Variants in PARPBP observed in about 807,000 individuals in gnomAD.
The protein encoded by PARPBP is PCNA-interacting partner.
In PARPBP, 52 loss-of-function variants were observed where a neutral mutation model predicts 50.0. The observed-to-expected ratio is 1.04, with a 90% confidence interval of 0.83 to 1.31. The LOEUF is 1.31. Among genes scored for constraint, PARPBP ranks in the 50% most tolerant of loss-of-function variants. The pLI, the probability that PARPBP is intolerant of heterozygous loss-of-function variation, is 0.00. For synonymous variants in PARPBP, 244 were observed against 232.1 expected (o/e 1.05, Z -0.47); for missense variants, 697 against 672.0 (o/e 1.04, Z -0.41).
chr12:102,196,468 A>G lies in PARPBP; in HGVS notation c.*177A>G, dbSNP rs912094302. On this transcript the variant is annotated 3_prime_UTR_variant, in exon 11 of 11. Coordinates refer to ENST00000327680, the MANE Select transcript of PARPBP (RefSeq NM_017915.5). ...TACTAGTAAGTCATAATTATGCAGA[A>G]TTTTCACAAAGTTTAATGCACAGAG... 2 of 727,748 alleles carry G rather than the reference A, an allele frequency of 2.7e-6. No individual in the cohort carries two copies. Among genetic ancestry groups the G allele is most frequent in the South Asian group, 1.8e-5 (1 of 56,972 alleles). 45.1% of individuals were successfully genotyped at this position (727,748 alleles called of 1,614,324 possible).
At chr12:102,183,620 T>A (rs1890040321) in intron 9 of PARPBP, among the ~76,000 whole-genome samples, 1 of 152,166 alleles carries the variant, frequency 6.6e-6, no homozygotes, top group Admixed American at 6.5e-5. Flanking sequence ...AATCAAGGGA[T>A]AAGATTTTTA....
rs529952348 is a variant in PARPBP, at chr12:102,127,382, A to G, written c.153+3341A>G. 2.0e-5 allele frequency among the ~76,000 whole-genome samples: 3 copies of G among 151,944 alleles called. No individual in the cohort carries two copies. The South Asian group carries it at 6.2e-4, about 32-fold the overall frequency. ...GCACTCTAGCCTGGGCAACAAAACG[A>G]GAACCTATCTCAAAAAAAGAAAAAA... is the stretch of plus-strand genomic sequence containing the variant. On this transcript the variant is annotated intron_variant, in intron 2 of 10. Coordinates refer to ENST00000327680, the MANE Select transcript of PARPBP (RefSeq NM_017915.5).
intron 8 of PARPBP, among the ~76,000 whole-genome samples, chr12:102,180,126 C>A (rs1225696540): frequency 6.6e-6 from 1 of 152,152 alleles, no homozygotes; most frequent in Non-Finnish European, 1.5e-5. Flanking sequence ...TGAAATAATT[C>A]TTCCACATTC....
intron 2 of PARPBP, among the ~76,000 whole-genome samples, chr12:102,137,427 A>G (rs1243698276): frequency 6.6e-6 from 1 of 152,040 alleles, no homozygotes; most frequent in Non-Finnish European, 1.5e-5. Context: ...ATACTCTTTA[A>G]GTTTTAGGTT....
chr12:102,127,954 A>T (rs1882260678), intron 2 of PARPBP, among the ~76,000 whole-genome samples: 1 of 152,232 alleles, frequency 6.6e-6, no homozygotes, highest in African/African-American at 2.4e-5. Flanking sequence ...ATTTTGAAAT[A>T]TGTATACATT....
chr12:102,189,673 A>T lies in PARPBP; in HGVS notation c.1264-5639A>T, dbSNP rs1390758114. 2.0e-5 allele frequency among the ~76,000 whole-genome samples: 3 copies of T among 152,168 alleles called. No individual in the cohort carries two copies. In the East Asian group the frequency reaches 5.8e-4, roughly 29 times the overall value. ...AGCATTTCAAACAACTGATGATGAA[A>T]GTATTAAATTGCCTTGCTGTTGTAA... is the stretch of plus-strand genomic sequence containing the variant. On this transcript the variant is annotated intron_variant, in intron 9 of 10. Coordinates refer to ENST00000327680, the MANE Select transcript of PARPBP (RefSeq NM_017915.5).
At chr12:102,170,810 G>A (rs2136415992) in intron 6 of PARPBP, among the ~76,000 whole-genome samples, 1 of 151,112 alleles carries the variant, frequency 6.6e-6, no homozygotes, top group East Asian at 2.0e-4. Flanking sequence ...GAGTCTTGTA[G>A]TAACACTTAG....
At chr12:102,145,655 C>G (rs1182441104) in intron 2 of PARPBP, among the ~76,000 whole-genome samples, 1 of 152,058 alleles carries the variant, frequency 6.6e-6, no homozygotes, top group Admixed American at 6.6e-5. Flanking sequence ...CTCTAAGCAA[C>G]TATATGTCAC....
chr12:102,183,063 C>G (rs1016983820), intron 9 of PARPBP, among the ~76,000 whole-genome samples: 3 of 152,142 alleles, frequency 2.0e-5, no homozygotes, highest in Non-Finnish European at 4.4e-5. Flanking sequence ...TTACACTGCT[C>G]TTGACTAGAA....
chr12:102,181,476 A>G lies in PARPBP; in HGVS notation c.1185-1073A>G, dbSNP rs190520634. ...CACCTAGGCTACAAACCTGTACAGT[A>G]TGTTATTGTACTAAATAGTATAAAG... On this transcript the variant is annotated intron_variant, in intron 8 of 10. Coordinates refer to ENST00000327680, the MANE Select transcript of PARPBP (RefSeq NM_017915.5). Among the ~76,000 whole-genome samples the G allele has an allele frequency of 1.4e-3, 208 of 152,308 alleles. 1 individual carries two copies. The highest frequency in any genetic ancestry group is 4.8e-3 in the African/African-American group (199 of 41,564).
chr12:102,180,218 A>C (rs1889692427), intron 8 of PARPBP, among the ~76,000 whole-genome samples: 1 of 152,238 alleles, frequency 6.6e-6, no homozygotes, highest in African/African-American at 2.4e-5. Flanking sequence ...GGATCCCAGA[A>C]AACAGTAAAA....
At chr12:102,137,880 A>G (rs1420393601) in intron 2 of PARPBP, among the ~76,000 whole-genome samples, 5 of 152,312 alleles carry the variant, frequency 3.3e-5, no homozygotes, top group Admixed American at 6.5e-5. Flanking sequence ...TATATGTGCC[A>G]TATTTTCTTA....
intron 9 of PARPBP, among the ~76,000 whole-genome samples, chr12:102,189,310 G>A (rs754434585): frequency 1.5e-4 from 23 of 152,188 alleles, no homozygotes; most frequent in Non-Finnish European, 2.8e-4. Flanking sequence ...ACATGAATGT[G>A]CCACAGGGCA....
Position 102,166,014 on chromosome 12 carries a change from G to A in PARPBP, c.821+131G>A, listed in dbSNP as rs3829286. On this transcript the variant is annotated intron_variant, in intron 6 of 10. Transcript: ENST00000327680. ...CGGTGAGGCGAAGAAACAAAATCTA[G>A]ATGAATAAATTATAATCACATGACC... 6.6e-4 allele frequency: 394 copies of A among 600,930 alleles called. 4 individuals are homozygous for A. In the East Asian group the frequency reaches 0.011, roughly 17 times the overall value. 37.2% of individuals were successfully genotyped at this position (600,930 alleles called of 1,614,324 possible).
chr12:102,123,755 A>T, intron 1 of PARPBP, 131 bp from the exon 2 acceptor site: 2 of 507,882 alleles, frequency 3.9e-6, no homozygotes, highest in South Asian at 4.0e-5. Flanking sequence ...AATTAAAAGC[A>T]ATCTTGGTAA....
intron 2 of PARPBP, among the ~76,000 whole-genome samples, chr12:102,124,519 A>G (rs369609262): frequency 2.0e-5 from 3 of 152,208 alleles, no homozygotes; most frequent in Non-Finnish European, 4.4e-5. Context: ...TAAGCCGTAG[A>G]TTAAGGGTTA....
intron 4 of PARPBP, 69 bp downstream of exon 4, chr12:102,154,045 C>T: frequency 1.1e-6 from 1 of 916,254 alleles, no homozygotes; most frequent in Non-Finnish European, 1.8e-6. Flanking sequence ...TTGGTGGTAC[C>T]TTAAAGTTAC....
chr12:102,145,469 G>C (rs1000938945), intron 2 of PARPBP, among the ~76,000 whole-genome samples: 1 of 152,020 alleles, frequency 6.6e-6, no homozygotes, highest in Non-Finnish European at 1.5e-5. Flanking sequence ...GGCAGCTTTT[G>C]GAAGGCATCA....
At chr12:102,189,059 C>T (rs895759913) in intron 9 of PARPBP, among the ~76,000 whole-genome samples, 2 of 151,974 alleles carry the variant, frequency 1.3e-5, no homozygotes, top group Non-Finnish European at 2.9e-5. Flanking sequence ...AAATGTCTAA[C>T]GTATGCCTAA....
Sources: gnomAD v4.1 joint callset for allele counts (sites outside exome capture counted in the v4.1 genomes callset) on GRCh38, gnomAD v4.1.1 for gene constraint, MANE v1.5 for transcripts, NCBI Gene and HGNC (gene_info 2026-07-23, HGNC 2026-07-21) for gene names.